RAB31: variants seen among roughly 807,000 people sequenced by gnomAD.
The protein encoded by RAB31 is ras-related protein Rab-31.
In RAB31, 21 loss-of-function variants were observed where a neutral mutation model predicts 25.6. The ratio of observed to expected loss-of-function variants is 0.82; its 90% CI spans 0.58 to 1.18. RAB31 has a LOEUF of 1.18. RAB31 is among the 50% of genes most tolerant of loss of function. The probability of loss-of-function intolerance (pLI) is 0.00; values close to 1 mark genes in which losing one functional copy is unlikely to be tolerated. For synonymous variants in RAB31, 87 were observed against 84.0 expected (o/e 1.04, Z -0.20); for missense variants, 196 against 250.1 (o/e 0.78, Z 1.46).
intron 3 of RAB31, among the ~76,000 whole-genome samples, chr18:9,805,362 G>A (rs1412539555): frequency 6.6e-6 from 1 of 151,704 alleles, no homozygotes; most frequent in Non-Finnish European, 1.5e-5. Flanking sequence ...GAGGTACAAG[G>A]GCAGAATCTT....
intron 3 of RAB31, chr18:9,797,325 A>G (rs754061189): frequency 6.6e-6 from 1 of 152,208 alleles, no homozygotes; most frequent in Admixed American, 6.5e-5. Flanking sequence ...AATGAACACA[A>G]TAAGTCAATT....
At chr18:9,786,196 A>T (rs944951052) in intron 2 of RAB31, among the ~76,000 whole-genome samples, 2 of 152,238 alleles carry the variant, frequency 1.3e-5, no homozygotes, top group African/African-American at 2.4e-5. Flanking sequence ...GAGAATGCCT[A>T]TGTAATGAAG....
chr18:9,855,501 T>C (rs932920172), intron 6 of RAB31, among the ~76,000 whole-genome samples: 2 of 152,190 alleles, frequency 1.3e-5, no homozygotes, highest in Non-Finnish European at 2.9e-5. Context: ...TCCAAGGTGA[T>C]CACCTTGGTA....
intron 1 of RAB31, among the ~76,000 whole-genome samples, chr18:9,724,848 C>T (rs931304431): frequency 3.3e-5 from 5 of 152,162 alleles, no homozygotes; most frequent in East Asian, 1.9e-4. Flanking sequence ...TACCTATTGC[C>T]GCATAACAAA....
At chr18:9,857,678 TAGATAGATGATAGATA>T (rs1192437454) in intron 6 of RAB31, among the ~76,000 whole-genome samples, 17 of 123,206 alleles carry the variant, frequency 1.4e-4, no homozygotes, top group South Asian at 5.0e-4. Flanking sequence ...GATAGATAGA[TAGATAGATGATAGATA>T]GATAGATAGA....
chr18:9,803,359 C>T (rs557603246), intron 3 of RAB31, among the ~76,000 whole-genome samples: 1 of 152,102 alleles, frequency 6.6e-6, no homozygotes, highest in East Asian at 1.9e-4. Flanking sequence ...CCTTAACCTC[C>T]CGAGTAGCTG....
chr18:9,751,322 A>T lies in RAB31; in HGVS notation c.40-23956A>T, dbSNP rs138745164. ...CTGCAAGTTCATTTTTCTTTTTAAA[A>T]TAAAGTCAGTCAGTTATAAAGCTAG... On this transcript the variant is annotated intron_variant, in intron 1 of 6. Transcript: ENST00000578921. Among the ~76,000 whole-genome samples, 3 of 152,322 alleles carry T rather than the reference A, an allele frequency of 2.0e-5. 1 individual carries two copies. In the East Asian group the frequency reaches 5.8e-4, roughly 29 times the overall value.
intron 6 of RAB31, among the ~76,000 whole-genome samples, chr18:9,856,541 A>C (rs1320043020): frequency 6.6e-6 from 1 of 152,230 alleles, no homozygotes; most frequent in Non-Finnish European, 1.5e-5. Context: ...GAGGGCTAAA[A>C]AGCTAATGCT....
intron 1 of RAB31, among the ~76,000 whole-genome samples, chr18:9,736,152 AT>A (rs1006820037): frequency 3.3e-4 from 50 of 152,052 alleles, no homozygotes; most frequent in African/African-American, 9.6e-4. Context: ...TTCATTAAAA[AT>A]TTTTTTTAGA....
intron 1 of RAB31, among the ~76,000 whole-genome samples, chr18:9,756,234 A>G (rs747021228): frequency 6.6e-6 from 1 of 152,206 alleles, no homozygotes; most frequent in African/African-American, 2.4e-5. Flanking sequence ...AGACCCTGAT[A>G]TAGTTAACCT....
intron 5 of RAB31, among the ~76,000 whole-genome samples, chr18:9,831,994 G>A (rs554551503): frequency 6.6e-6 from 1 of 152,224 alleles, no homozygotes; most frequent in Admixed American, 6.5e-5. Flanking sequence ...TGCCTACTCA[G>A]CTGTTACTGG....
intron 1 of RAB31, among the ~76,000 whole-genome samples, chr18:9,728,433 T>G (rs1297150029): frequency 6.6e-6 from 1 of 152,252 alleles, no homozygotes; most frequent in Non-Finnish European, 1.5e-5. Flanking sequence ...AAAAAGATAT[T>G]GCAAAATTAA....
chr18:9,774,719 ATTAT>A (rs955995094), intron 1 of RAB31, among the ~76,000 whole-genome samples: 9 of 152,220 alleles, frequency 5.9e-5, no homozygotes, highest in Non-Finnish European at 1.3e-4. Flanking sequence ...GCTTTAAAGA[ATTAT>A]TTAAGAGAGA....
intron 5 of RAB31, among the ~76,000 whole-genome samples, chr18:9,838,065 A>G (rs1014081886): frequency 6.6e-6 from 1 of 152,226 alleles, no homozygotes; most frequent in Non-Finnish European, 1.5e-5. Flanking sequence ...AGAAACATTG[A>G]TATAACACTT....
chr18:9,789,945 T>C (rs2068451890), intron 2 of RAB31, among the ~76,000 whole-genome samples: 1 of 152,218 alleles, frequency 6.6e-6, no homozygotes. Context: ...GGAATTGCAG[T>C]AGACTTTTCT....
At chr18:9,818,780 A>C (rs1019205813) in intron 5 of RAB31, among the ~76,000 whole-genome samples, 1 of 152,194 alleles carries the variant, frequency 6.6e-6, no homozygotes. Flanking sequence ...AAGTAACTGC[A>C]AGATATCCAC....
chr18:9,849,557 G>A (rs999357879), intron 6 of RAB31: 1 of 152,618 alleles, frequency 6.6e-6, no homozygotes, highest in Non-Finnish European at 1.5e-5. Flanking sequence ...ACAAGGCGCA[G>A]TGACAGTGGA....
At chr18:9,824,212 TTGTATGTGTGTG>T (rs1175629737) in intron 5 of RAB31, among the ~76,000 whole-genome samples, 23 of 150,052 alleles carry the variant, frequency 1.5e-4, no homozygotes, top group Admixed American at 7.4e-4. Flanking sequence ...GTAGATGTGT[TTGTATGTGTGTG>T]TGTATGTGTG....
intron 3 of RAB31, among the ~76,000 whole-genome samples, chr18:9,807,386 A>G (rs2068547270): frequency 6.6e-6 from 1 of 151,994 alleles, no homozygotes; most frequent in Admixed American, 6.5e-5. Context: ...GCAAGATGAG[A>G]CTAACTTTCT....
Sources: gnomAD v4.1 joint callset for allele counts (sites outside exome capture counted in the v4.1 genomes callset) on GRCh38, gnomAD v4.1.1 for gene constraint, MANE v1.5 for transcripts, NCBI Gene and HGNC (gene_info 2026-07-23, HGNC 2026-07-21) for gene names.